The following SMYD3 variants were observed in gnomAD, a reference collection of about 807,000 sequenced individuals.
The protein encoded by SMYD3 is SET and MYND domain containing 3.
SMYD3 carries 36 observed loss-of-function variants against 57.7 expected under a neutral mutation model. The ratio of observed to expected loss-of-function variants is 0.62; its 90% CI spans 0.48 to 0.82. The LOEUF (loss-of-function observed/expected upper bound fraction) is 0.82, where lower values mean the gene tolerates loss of function less well. Among genes scored for constraint, SMYD3 ranks in the 40% least tolerant of loss-of-function variants. SMYD3 has a pLI of 0.00. For missense variants in SMYD3, 515 were observed against 538.8 expected, an observed-to-expected ratio of 0.96 and a Z score of 0.44; for synonymous variants, 211 against 195.0, an observed-to-expected ratio of 1.08 and a Z score of -0.68.
chr1:246,051,791 C>G (rs964906363), intron 5 of SMYD3, among the ~76,000 whole-genome samples: 8 of 152,136 alleles, frequency 5.3e-5, no homozygotes, highest in Non-Finnish European at 1.2e-4. Flanking sequence ...CCAAATGGTA[C>G]TCTCCCCAAA....
intron 1 of SMYD3, among the ~76,000 whole-genome samples, chr1:246,421,719 C>T (rs2067145469): frequency 6.6e-6 from 1 of 152,052 alleles, no homozygotes; most frequent in African/African-American, 2.4e-5. Flanking sequence ...CTCAGAAAGG[C>T]CTACAGCTGA....
At chr1:245,783,557 C>CA (rs147535184) in intron 10 of SMYD3, among the ~76,000 whole-genome samples, 12,745 of 146,144 alleles carry the variant, frequency 0.087, 661 homozygotes, top group Non-Finnish European at 0.13. Context: ...TGTAATAAGG[C>CA]AAAAAAAAAA....
intron 5 of SMYD3, among the ~76,000 whole-genome samples, chr1:246,191,213 C>T (rs1347876631): frequency 6.6e-6 from 1 of 152,204 alleles, no homozygotes; most frequent in Non-Finnish European, 1.5e-5. Context: ...GAAATCAGTA[C>T]AGGGCCCTTC....
intron 1 of SMYD3, among the ~76,000 whole-genome samples, chr1:246,419,182 T>C (rs1001297369): frequency 6.6e-6 from 1 of 152,144 alleles, no homozygotes; most frequent in East Asian, 1.9e-4. Flanking sequence ...ATAAGAACTA[T>C]AGATAAGTTC....
At chr1:246,236,351 C>G (rs1376972879) in intron 5 of SMYD3, among the ~76,000 whole-genome samples, 4 of 152,178 alleles carry the variant, frequency 2.6e-5, no homozygotes, top group East Asian at 1.9e-4. Flanking sequence ...CCGCCTCAGC[C>G]TCCCAGTAGC....
intron 5 of SMYD3, among the ~76,000 whole-genome samples, chr1:246,032,965 T>C (rs2148268512): frequency 6.6e-6 from 1 of 152,306 alleles, no homozygotes; most frequent in African/African-American, 2.4e-5. Context: ...ATGATAATCA[T>C]GAATGCTTTA....
At chr1:246,055,364 G>C (rs1211787623) in intron 5 of SMYD3, among the ~76,000 whole-genome samples, 3 of 152,122 alleles carry the variant, frequency 2.0e-5, no homozygotes, top group Non-Finnish European at 4.4e-5. Flanking sequence ...TCTGCAGGCT[G>C]AGGCAGGAGA....
intron 1 of SMYD3, among the ~76,000 whole-genome samples, chr1:246,378,182 C>T (rs1376714210): frequency 6.6e-6 from 1 of 152,186 alleles, no homozygotes; most frequent in African/African-American, 2.4e-5. Flanking sequence ...CACAACTAGG[C>T]ACTATGAAAG....
intron 1 of SMYD3, among the ~76,000 whole-genome samples, chr1:246,442,418 G>C (rs184196141): frequency 6.6e-6 from 1 of 151,930 alleles, no homozygotes; most frequent in African/African-American, 2.4e-5. Context: ...GCGTGGTGAC[G>C]CACACCTGTA....
chr1:246,102,419 G>A (rs1043668455), intron 5 of SMYD3, among the ~76,000 whole-genome samples: 2 of 151,934 alleles, frequency 1.3e-5, no homozygotes, highest in Non-Finnish European at 2.9e-5. Flanking sequence ...AACTCCATTT[G>A]GTTGCTTACT....
intron 5 of SMYD3, among the ~76,000 whole-genome samples, chr1:246,118,739 TA>T (rs80170868): frequency 4.0e-5 from 6 of 151,504 alleles, no homozygotes; most frequent in East Asian, 1.9e-4. Context: ...AATTTTTTTT[TA>T]AAATGTGTGC....
chr1:246,024,772 G>A (rs1465508600), intron 5 of SMYD3, among the ~76,000 whole-genome samples: 83 of 91,018 alleles, frequency 9.1e-4, no homozygotes, highest in Middle Eastern at 4.8e-3. Context: ...TACAGGAAGT[G>A]GACAGCATCT....
intron 5 of SMYD3, among the ~76,000 whole-genome samples, chr1:246,317,016 A>T (rs2065172499): frequency 6.6e-6 from 1 of 151,704 alleles, no homozygotes; most frequent in African/African-American, 2.4e-5. Flanking sequence ...AATAAATAAA[A>T]TAAAAATTTA....
chr1:245,797,083 C>A (rs951408698), intron 10 of SMYD3, among the ~76,000 whole-genome samples: 6 of 152,146 alleles, frequency 3.9e-5, no homozygotes, highest in African/African-American at 1.4e-4. Flanking sequence ...AGAATAGTTA[C>A]TACAAGGCAC....
rs982940693 is a variant in SMYD3, at chr1:246,254,076, G to T, written c.531+73125C>A. 9.2e-5 allele frequency among the ~76,000 whole-genome samples: 14 copies of T among 152,182 alleles called. No individual in the cohort carries two copies. In the East Asian group the frequency reaches 1.4e-3, roughly 15 times the overall value. On this transcript the variant is annotated intron_variant, in intron 5 of 11. Coordinates refer to ENST00000490107, the MANE Select transcript of SMYD3 (RefSeq NM_001167740.2). ...AAAAACTTTGTCAGATGTGTAGTTT[G>T]CCAACATTTTCTCTCATTCTGTAGA...
chr1:245,964,651 G>A (rs2058094173), intron 5 of SMYD3, among the ~76,000 whole-genome samples: 1 of 152,150 alleles, frequency 6.6e-6, no homozygotes, highest in African/African-American at 2.4e-5. Context: ...CAAAAGTAAT[G>A]CTAGAGATCA....
intron 5 of SMYD3, among the ~76,000 whole-genome samples, chr1:245,966,417 C>T (rs1301501944): frequency 1.3e-5 from 2 of 152,186 alleles, no homozygotes; most frequent in African/African-American, 4.8e-5. Flanking sequence ...ACTCCTCCCA[C>T]CTTGGCCTCA....
chr1:245,751,488 C>G (rs34210073), intron 11 of SMYD3, among the ~76,000 whole-genome samples: 32,496 of 151,294 alleles, frequency 0.21, 3,800 homozygotes, highest in East Asian at 0.47. Flanking sequence ...GGAAGGAAAA[C>G]AGGCAGACAG....
intron 1 of SMYD3, among the ~76,000 whole-genome samples, chr1:246,379,113 C>CACACAT (rs143967247): frequency 0.055 from 7,640 of 139,746 alleles, 254 homozygotes; most frequent in Admixed American, 0.096. Flanking sequence ...CACACACACA[C>CACACAT]ATATATTCCA....
Sources: allele counts gnomAD v4.1 joint callset (sites outside exome capture counted in the v4.1 genomes callset), GRCh38; gene constraint gnomAD v4.1.1; transcripts MANE v1.5; gene names NCBI Gene and HGNC (gene_info 2026-07-23, HGNC 2026-07-21).